The following FBXO34 variants were observed in gnomAD, a reference collection of about 807,000 sequenced individuals.
The protein encoded by FBXO34 is F-box only protein 34.
A neutral mutation model predicts 24.5 loss-of-function variants in FBXO34; 12 were observed. The observed-to-expected ratio is 0.49, with a 90% confidence interval of 0.31 to 0.79. The LOEUF (loss-of-function observed/expected upper bound fraction) is 0.79. Ranked by LOEUF, FBXO34 falls within the 30% of genes least tolerant of loss-of-function variation. The probability of loss-of-function intolerance (pLI) is 0.04; values close to 1 mark genes in which losing one functional copy is unlikely to be tolerated. For missense variants in FBXO34, 823 were observed against 857.7 expected, an observed-to-expected ratio of 0.96 and a Z score of 0.51; for synonymous variants, 320 against 311.9, an observed-to-expected ratio of 1.03 and a Z score of -0.27.
At chr14:55,434,253 A>C in the FBXO34 span, among the ~76,000 whole-genome samples, 1 of 152,206 alleles carries the variant, frequency 6.6e-6, no homozygotes, top group African/African-American at 2.4e-5. Flanking sequence ...AATGACAGAA[A>C]GTTGATGTCA....
chr14:55,421,282 T>G, the FBXO34 span, among the ~76,000 whole-genome samples: 1 of 152,146 alleles, frequency 6.6e-6, no homozygotes, highest in African/African-American at 2.4e-5. Flanking sequence ...GCCTCTGATA[T>G]CTACACTATT....
chr14:55,397,989 C>T, the FBXO34 span, among the ~76,000 whole-genome samples: 1 of 147,186 alleles, frequency 6.8e-6, no homozygotes. Flanking sequence ...ATTCTGTCAC[C>T]CAGGCTGGGG....
At chr14:55,357,941 T>C (rs1427588018), downstream of FBXO34, among the ~76,000 whole-genome samples, 1 of 152,244 alleles carries the variant, frequency 6.6e-6, no homozygotes, top group East Asian at 1.9e-4. Context: ...CCCTCTCCAC[T>C]GTGAGGCTGG....
At chr14:55,406,394 G>A in the FBXO34 span, among the ~76,000 whole-genome samples, 2 of 152,202 alleles carry the variant, frequency 1.3e-5, no homozygotes, top group Non-Finnish European at 2.9e-5. Flanking sequence ...GTTTTCTACA[G>A]TTAGTGAGGG....
chr14:55,350,300 C>T, intron 1 of FBXO34, 81 bp from the exon 2 acceptor site: 1 of 1,011,444 alleles, frequency 9.9e-7, no homozygotes, highest in Non-Finnish European at 1.4e-6. Context: ...TTGCTAAGAA[C>T]CATCTGAGCT....
At chr14:55,345,578 C>CT (rs1566565153) in intron 1 of FBXO34, among the ~76,000 whole-genome samples, 1 of 152,174 alleles carries the variant, frequency 6.6e-6, no homozygotes, top group Non-Finnish European at 1.5e-5. Context: ...TCTCACAGCA[C>CT]CCTGTGCTAT....
chr14:55,371,691 C>T (rs1451700607), downstream of FBXO34, among the ~76,000 whole-genome samples: 2 of 152,088 alleles, frequency 1.3e-5, no homozygotes, highest in Non-Finnish European at 2.9e-5. Context: ...GTAGTCCCGG[C>T]TACTCAGGAG....
At chr14:55,418,835 G>A in the FBXO34 span, among the ~76,000 whole-genome samples, 1 of 152,194 alleles carries the variant, frequency 6.6e-6, no homozygotes, top group African/African-American at 2.4e-5. Context: ...CCAGGAGAGT[G>A]TGTTTTCACT....
At chr14:55,273,988 C>G (rs1329862155) in intron 1 of FBXO34, among the ~76,000 whole-genome samples, 1 of 151,962 alleles carries the variant, frequency 6.6e-6, no homozygotes, top group East Asian at 1.9e-4. Flanking sequence ...GTATTTTTAG[C>G]AAAGACGGGG....
intron 1 of FBXO34, among the ~76,000 whole-genome samples, chr14:55,319,888 G>C (rs1214311732): frequency 2.0e-5 from 3 of 152,174 alleles, no homozygotes; most frequent in Admixed American, 2.0e-4. Context: ...TGTTAGCCAG[G>C]ATGGTCTTGA....
downstream of FBXO34, among the ~76,000 whole-genome samples, chr14:55,364,243 C>T (rs1384931316): frequency 6.6e-6 from 1 of 152,024 alleles, no homozygotes; most frequent in Non-Finnish European, 1.5e-5. Context: ...GCCACCACGC[C>T]CAGCTAATTT....
At chr14:55,336,872 A>G (rs1341602769) in intron 1 of FBXO34, among the ~76,000 whole-genome samples, 1 of 151,052 alleles carries the variant, frequency 6.6e-6, no homozygotes, top group African/African-American at 2.4e-5. Context: ...ATGCACGCAC[A>G]CACACACACA....
chr14:55,323,218 A>ATAT (rs1405231374), intron 1 of FBXO34, among the ~76,000 whole-genome samples: 14 of 31,614 alleles, frequency 4.4e-4, no homozygotes, highest in Admixed American at 1.7e-3. Flanking sequence ...AAAAAAAAAA[A>ATAT]ATATATATTT....
the FBXO34 span, among the ~76,000 whole-genome samples, chr14:55,393,369 A>C: frequency 6.6e-6 from 1 of 152,020 alleles, no homozygotes; most frequent in African/African-American, 2.4e-5. Context: ...TGGGTGACAG[A>C]GCGAGACTCT....
chr14:55,289,408 A>G (rs1881868180), intron 1 of FBXO34, among the ~76,000 whole-genome samples: 1 of 152,164 alleles, frequency 6.6e-6, no homozygotes. Flanking sequence ...AGGTGCAAAA[A>G]ATGAGAAGTT....
the FBXO34 span, among the ~76,000 whole-genome samples, chr14:55,416,930 A>T: frequency 6.6e-6 from 1 of 152,222 alleles, no homozygotes; most frequent in Non-Finnish European, 1.5e-5. Context: ...TTATATTAAA[A>T]AATCCTAACT....
chr14:55,280,252 T>C (rs748506222), intron 1 of FBXO34, among the ~76,000 whole-genome samples: 1 of 152,150 alleles, frequency 6.6e-6, no homozygotes, highest in Non-Finnish European at 1.5e-5. Context: ...GAGATAACTA[T>C]GTAGAGCAGC....
At chr14:55,397,833 A>AT in the FBXO34 span, among the ~76,000 whole-genome samples, 2 of 152,014 alleles carry the variant, frequency 1.3e-5, no homozygotes, top group African/African-American at 4.8e-5. Context: ...CTTATAATAA[A>AT]TTTTTAAAAA....
chr14:55,301,030 T>G (rs543116401), intron 1 of FBXO34, among the ~76,000 whole-genome samples: 20 of 152,220 alleles, frequency 1.3e-4, no homozygotes, highest in Non-Finnish European at 2.4e-4. Flanking sequence ...AAGGAGAATT[T>G]GTAAGGTGAA....
Sources: allele counts gnomAD v4.1 joint callset (sites outside exome capture counted in the v4.1 genomes callset), GRCh38; gene constraint gnomAD v4.1.1; transcripts MANE v1.5; gene names NCBI Gene and HGNC (gene_info 2026-07-23, HGNC 2026-07-21).